The following ADIPOR2 variants were observed in gnomAD, a reference collection of about 807,000 sequenced individuals.
The protein encoded by ADIPOR2 is adiponectin receptor protein 2.
Under a neutral mutation model 40.9 loss-of-function variants are expected in ADIPOR2, and 18 were observed. The observed-to-expected ratio is 0.44, with a 90% CI of 0.30 to 0.65. ADIPOR2 has a LOEUF of 0.65. Ranked by LOEUF, ADIPOR2 falls within the 30% of genes least tolerant of loss-of-function variation. The pLI, the probability that ADIPOR2 is intolerant of heterozygous loss-of-function variation, is 0.09. For missense variants in ADIPOR2, 283 were observed against 479.2 expected (o/e 0.59, Z 3.82); for synonymous variants, 165 against 166.4 (o/e 0.99, Z 0.06).
chr12:1,744,741 C>G (rs750986139), intron 1 of ADIPOR2, among the ~76,000 whole-genome samples: 4 of 152,114 alleles, frequency 2.6e-5, no homozygotes, highest in Non-Finnish European at 5.9e-5. Flanking sequence ...ATTAAAAAAT[C>G]CTTTTATATT....
chr12:1,764,322 C>T (rs1379282796), intron 2 of ADIPOR2, among the ~76,000 whole-genome samples: 2 of 152,008 alleles, frequency 1.3e-5, no homozygotes, highest in Admixed American at 6.6e-5. Context: ...CTTAAGCAGC[C>T]CTGTTTAATG....
chr12:1,701,852 T>A (rs2094650815), intron 1 of ADIPOR2, among the ~76,000 whole-genome samples: 1 of 152,212 alleles, frequency 6.6e-6, no homozygotes, highest in South Asian at 2.1e-4. Context: ...CTGGGCACTG[T>A]GGCTTGAGCC....
Position 1,763,204 on chromosome 12 carries a change from A to G in ADIPOR2, c.171+8690A>G, listed in dbSNP as rs1488255483. ...AATACTTTAAAATTGAAATCTCTGC[A>G]GTAGGAATCTGTATTTTTCACAAGT... On this transcript the variant is annotated intron_variant, in intron 2 of 7. Transcript: ENST00000357103. Among the ~76,000 whole-genome samples, 5 of 152,252 alleles carry G rather than the reference A, an allele frequency of 3.3e-5. No individual in the cohort carries two copies. In the East Asian group the frequency reaches 7.7e-4, roughly 23 times the overall value.
chr12:1,779,851 G>A (rs1333835322), intron 4 of ADIPOR2, among the ~76,000 whole-genome samples: 3 of 152,162 alleles, frequency 2.0e-5, no homozygotes, highest in Non-Finnish European at 2.9e-5. Context: ...CCCTCCCTAA[G>A]CAATAGGAAC....
intron 1 of ADIPOR2, among the ~76,000 whole-genome samples, chr12:1,730,343 C>T (rs373916069): frequency 2.5e-4 from 38 of 151,640 alleles, no homozygotes; most frequent in African/African-American, 6.3e-4. Context: ...TCAGGCCGGG[C>T]GCGGTGGCTC....
chr12:1,737,489 GT>G (rs2094733346), intron 1 of ADIPOR2, among the ~76,000 whole-genome samples: 1 of 152,234 alleles, frequency 6.6e-6, no homozygotes, highest in African/African-American at 2.4e-5. Flanking sequence ...TCATTTCCAA[GT>G]TTACCAGATA....
At chr12:1,694,812 CTTTT>C (rs201414995) in intron 1 of ADIPOR2, among the ~76,000 whole-genome samples, 2 of 152,024 alleles carry the variant, frequency 1.3e-5, no homozygotes, top group South Asian at 2.1e-4. Context: ...AAAAATTACA[CTTTT>C]TTTTAGCAGC....
rs149095669 is a variant in ADIPOR2, at chr12:1,744,469, G to C, written c.-86-9789G>C. On this transcript the variant is annotated intron_variant, in intron 1 of 7. Coordinates refer to ENST00000357103, the MANE Select transcript of ADIPOR2 (RefSeq NM_024551.3). Reference sequence around the variant, plus strand: ...CTGTCACCCTGGCTGGTTAGTAGTTGGAACTATAGGCGCGTACCGCCATGA... The same window carrying C: ...CTGTCACCCTGGCTGGTTAGTAGTTCGAACTATAGGCGCGTACCGCCATGA... Among the ~76,000 whole-genome samples, 571 of 152,052 alleles carry C rather than the reference G, an allele frequency of 3.8e-3. 1 individual carries two copies. Among genetic ancestry groups the C allele is most frequent in the Non-Finnish European group, 5.6e-3 (378 of 67,986 alleles).
At chr12:1,743,091 A>G (rs2076306017) in intron 1 of ADIPOR2, among the ~76,000 whole-genome samples, 1 of 152,020 alleles carries the variant, frequency 6.6e-6, no homozygotes, top group Non-Finnish European at 1.5e-5. Flanking sequence ...CTTGTGTAAG[A>G]AATTTTATGA....
At chr12:1,729,155 C>G (rs562296761) in intron 1 of ADIPOR2, among the ~76,000 whole-genome samples, 115 of 152,138 alleles carry the variant, frequency 7.6e-4, no homozygotes, top group Admixed American at 4.5e-3. Context: ...GACTGTTGGT[C>G]TTCCCCATTC....
chr12:1,782,343 T>C (rs1482904469), intron 6 of ADIPOR2, among the ~76,000 whole-genome samples: 1 of 152,234 alleles, frequency 6.6e-6, no homozygotes. Flanking sequence ...AAGCAAGTAA[T>C]AGGTTCTTTA....
At chr12:1,705,586 G>T (rs947887768) in intron 1 of ADIPOR2, among the ~76,000 whole-genome samples, 1 of 152,086 alleles carries the variant, frequency 6.6e-6, no homozygotes, top group African/African-American at 2.4e-5. Context: ...ATATCCCCAA[G>T]ATATTTTATT....
rs528618542 is a variant in ADIPOR2 at position 1,717,931 on chromosome 12, A to G, written c.-87+26740A>G. Among the ~76,000 whole-genome samples the G allele has an allele frequency of 1.6e-4, 25 of 152,266 alleles. No homozygotes were observed. In the South Asian group the frequency reaches 4.6e-3, roughly 28 times the overall value. On this transcript the variant is annotated intron_variant, in intron 1 of 7. Coordinates refer to ENST00000357103, the MANE Select transcript of ADIPOR2 (RefSeq NM_024551.3). Reference sequence around the variant, plus strand: ...TAAGTATTTTTTAAATGATGTACTTAATTTTATTACCCTACCATGCTTGAA... The same window carrying G: ...TAAGTATTTTTTAAATGATGTACTTGATTTTATTACCCTACCATGCTTGAA...
At chr12:1,748,292 A>G (rs111738359) in intron 1 of ADIPOR2, among the ~76,000 whole-genome samples, 16,816 of 152,114 alleles carry the variant, frequency 0.11, 1,228 homozygotes, top group Admixed American at 0.23. Flanking sequence ...TCTGTCGCCC[A>G]GGCTGGAGTG....
intron 1 of ADIPOR2, among the ~76,000 whole-genome samples, chr12:1,693,115 A>G (rs533249090): frequency 4.7e-4 from 72 of 152,316 alleles, no homozygotes; most frequent in African/African-American, 1.7e-3. Flanking sequence ...AGATTGCACC[A>G]TTGCACTCCA....
chr12:1,782,625 C>T (rs1292276005), intron 6 of ADIPOR2, among the ~76,000 whole-genome samples: 1 of 152,082 alleles, frequency 6.6e-6, no homozygotes, highest in Non-Finnish European at 1.5e-5. Flanking sequence ...TAATCCTCCA[C>T]GTATGTTACA....
chr12:1,750,976 T>C (rs1316575492), intron 1 of ADIPOR2, among the ~76,000 whole-genome samples: 1 of 152,028 alleles, frequency 6.6e-6, no homozygotes, highest in Non-Finnish European at 1.5e-5. Context: ...TAAATAATGC[T>C]GGTAATACCA....
At chr12:1,733,914 C>G (rs141098485) in intron 1 of ADIPOR2, among the ~76,000 whole-genome samples, 86 of 152,232 alleles carry the variant, frequency 5.6e-4, no homozygotes, top group African/African-American at 2.1e-3. Context: ...CAGCTTCATC[C>G]ATGTCCCTAC....
chr12:1,768,104 T>A (rs1430877702), intron 2 of ADIPOR2, among the ~76,000 whole-genome samples: 1 of 152,200 alleles, frequency 6.6e-6, no homozygotes, highest in African/African-American at 2.4e-5. Context: ...TCAATGACAT[T>A]TATAAAGGCA....
Sources: gnomAD v4.1 joint callset for allele counts (sites outside exome capture counted in the v4.1 genomes callset) on GRCh38, gnomAD v4.1.1 for gene constraint, MANE v1.5 for transcripts, NCBI Gene and HGNC (gene_info 2026-07-23, HGNC 2026-07-21) for gene names.